LY75: variants seen among roughly 807,000 people sequenced by gnomAD.
The protein encoded by LY75 is lymphocyte antigen 75.
Under a neutral mutation model 231.7 loss-of-function variants are expected in LY75, and 185 were observed. The ratio of observed to expected loss-of-function variants is 0.80; its 90% CI spans 0.71 to 0.90. The LOEUF (loss-of-function observed/expected upper bound fraction) is 0.90, where lower values mean the gene tolerates loss of function less well. Among genes scored for constraint, LY75 ranks in the 40% least tolerant of loss-of-function variants. The pLI, the probability that LY75 is intolerant of heterozygous loss-of-function variation, is 0.00. For synonymous variants in LY75, 668 were observed against 689.0 expected, an observed-to-expected ratio of 0.97 and a Z score of 0.48; for missense variants, 1,947 against 2,050.2, an observed-to-expected ratio of 0.95 and a Z score of 0.97.
chr2:159,876,205 T>C (rs756226759), intron 11 of LY75, among the ~76,000 whole-genome samples: 1 of 152,168 alleles, frequency 6.6e-6, no homozygotes, highest in African/African-American at 2.4e-5. Flanking sequence ...TATTAAAAGG[T>C]AGTTTGAATT....
In LY75 at chr2:159,877,990, T is replaced by C. The variant is rs185629358; in HGVS notation, c.1774+334A>G. 7.0e-3 allele frequency among the ~76,000 whole-genome samples: 1,069 copies of C among 152,274 alleles called. 5 individuals are homozygous for C. Among genetic ancestry groups the C allele is most frequent in the Non-Finnish European group, 9.7e-3 (663 of 68,002 alleles). On this transcript the variant is annotated intron_variant, in intron 11 of 34. Coordinates refer to ENST00000263636, the MANE Select transcript of LY75 (RefSeq NM_002349.4). ...GAAAATAGGTTAAGAAGCAGAGAGATGAAAATGTAAAGAGCCTCACACGGG... is the reference window on the plus strand; with the variant it reads ...GAAAATAGGTTAAGAAGCAGAGAGACGAAAATGTAAAGAGCCTCACACGGG...
chr2:159,898,277 A>G (rs1384089290), intron 2 of LY75, among the ~76,000 whole-genome samples: 2 of 152,114 alleles, frequency 1.3e-5, no homozygotes, highest in African/African-American at 4.8e-5. Context: ...ACTACGCCTG[A>G]CCTTTCTTCT....
chr2:159,835,102 T>G (rs1283528984), intron 26 of LY75, among the ~76,000 whole-genome samples: 1 of 152,230 alleles, frequency 6.6e-6, no homozygotes, highest in Non-Finnish European at 1.5e-5. Flanking sequence ...TTGAGGTGGT[T>G]GCTGTGAATC....
chr2:159,904,449 C>A, intron 1 of LY75, 140 bp downstream of exon 1: 2 of 988,388 alleles, frequency 2.0e-6, no homozygotes, highest in Non-Finnish European at 2.8e-6. Context: ...CTCACTCTTC[C>A]GGCTCCAGAG....
intron 27 of LY75, among the ~76,000 whole-genome samples, chr2:159,832,032 G>A (rs1052463880): frequency 6.6e-6 from 1 of 151,752 alleles, no homozygotes; most frequent in South Asian, 2.1e-4. Context: ...GCTGAGTAGA[G>A]AATTTAAAAC....
chr2:159,860,688 A>G, intron 15 of LY75, 133 bp downstream of exon 15: 1 of 1,035,574 alleles, frequency 9.7e-7, no homozygotes, highest in Non-Finnish European at 1.4e-6. Flanking sequence ...GGGCCAGGCC[A>G]TGGGTGTGCT....
rs552811855 is a variant in LY75, at chr2:159,843,196, T to C, written c.3151-822A>G. ...AAAATGGGGTAGAAAAAGGTAGAAA[T>C]AGTATTTATAACACAGGTCAAGCAA... On this transcript the variant is annotated intron_variant, in intron 23 of 34. Coordinates refer to ENST00000263636, the MANE Select transcript of LY75 (RefSeq NM_002349.4). Among the ~76,000 whole-genome samples the C allele has an allele frequency of 9.4e-4, 143 of 151,816 alleles. 1 individual carries two copies. Among genetic ancestry groups the C allele is most frequent in the African/African-American group, 3.2e-3 (132 of 41,436 alleles).
chr2:159,875,784 G>T, intron 11 of LY75, 141 bp from the exon 12 acceptor site: 1 of 1,035,020 alleles, frequency 9.7e-7, no homozygotes, highest in Non-Finnish European at 1.4e-6. Context: ...GAAATATGTT[G>T]TTCAGAATAA....
chr2:159,819,144 C>A (rs938928519), intron 29 of LY75, among the ~76,000 whole-genome samples: 4 of 152,142 alleles, frequency 2.6e-5, no homozygotes, highest in Non-Finnish European at 5.9e-5. Context: ...TTTACGGGCT[C>A]CCAGTGAGCA....
At chr2:159,852,501 C>T in intron 20 of LY75, 161 bp from the exon 21 acceptor site, 1 of 563,528 alleles carries the variant, frequency 1.8e-6, no homozygotes, top group Non-Finnish European at 2.2e-6. Flanking sequence ...TTACTGCATC[C>T]TCCACCTCCC....
chr2:159,877,341 A>G (rs1476470825), intron 11 of LY75, among the ~76,000 whole-genome samples: 1 of 152,222 alleles, frequency 6.6e-6, no homozygotes, highest in Non-Finnish European at 1.5e-5. Context: ...CAGGGTGAAA[A>G]GTAGAATGCT....
At chr2:159,894,833 T>C (rs1188329694) in intron 2 of LY75, among the ~76,000 whole-genome samples, 1 of 152,206 alleles carries the variant, frequency 6.6e-6, no homozygotes, top group Non-Finnish European at 1.5e-5. Flanking sequence ...TGAAAAGTGA[T>C]TCCAACCTCA....
intron 29 of LY75, among the ~76,000 whole-genome samples, chr2:159,818,594 T>G (rs1683193149): frequency 6.6e-6 from 1 of 152,160 alleles, no homozygotes; most frequent in Non-Finnish European, 1.5e-5. Flanking sequence ...AAATAAAAAC[T>G]ACAGAAATTT....
Position 159,807,543 on chromosome 2 carries a change from T to A in LY75, c.4823-403A>T, listed in dbSNP as rs1186501872. 23 of 769,150 alleles carry A rather than the reference T, an allele frequency of 3.0e-5. No homozygotes were observed. The South Asian group carries it at 9.5e-4, about 32-fold the overall frequency. 47.6% of individuals were successfully genotyped at this position (769,150 alleles called of 1,614,324 possible). Reference sequence around the variant, plus strand: ...AAAAGTCATATCATTAAAGATATGCTGGTGGAAGAGGAAGGGTGCAGGAAT... The same window carrying A: ...AAAAGTCATATCATTAAAGATATGCAGGTGGAAGAGGAAGGGTGCAGGAAT... On this transcript the variant is annotated intron_variant, in intron 33 of 34. Coordinates refer to ENST00000263636, the MANE Select transcript of LY75 (RefSeq NM_002349.4).
At chr2:159,862,091 G>A (rs868782704) in intron 14 of LY75, among the ~76,000 whole-genome samples, 17 of 152,040 alleles carry the variant, frequency 1.1e-4, no homozygotes, top group African/African-American at 4.1e-4. Flanking sequence ...ACAGGGTCAG[G>A]AGTTAGAGAT....
intron 29 of LY75, among the ~76,000 whole-genome samples, chr2:159,817,689 T>G (rs1683161407): frequency 6.6e-6 from 1 of 152,062 alleles, no homozygotes; most frequent in Non-Finnish European, 1.5e-5. Flanking sequence ...AGTATGGAAG[T>G]GCTACAAACA....
At chr2:159,813,256 T>G (rs1232386545) in intron 31 of LY75, among the ~76,000 whole-genome samples, 1 of 152,202 alleles carries the variant, frequency 6.6e-6, no homozygotes, top group East Asian at 1.9e-4. Context: ...GGTTACACTG[T>G]TTTATATTCC....
intron 15 of LY75, 71 bp downstream of exon 15, chr2:159,860,750 A>T (rs1684677903): frequency 6.4e-7 from 1 of 1,567,550 alleles, no homozygotes; most frequent in Non-Finnish European, 8.8e-7. Context: ...CACTCCATGG[A>T]TCTGTTACTT....
In LY75 at chr2:159,879,347, G is replaced by A. The variant is rs147134990; in HGVS notation, c.1427C>T (p.Ser476Leu). The A allele has an allele frequency of 5.0e-6, 8 of 1,613,170 alleles. No individual in the cohort carries two copies. The highest frequency in any genetic ancestry group is 3.3e-5 in the Admixed American group (2 of 59,834). Residue 476 changes from serine (S) to leucine (L), a missense_variant, in exon 9 of 35, where the codon TCA becomes TTA. Ser to Leu is a moderately radical substitution (Grantham distance 145). Transcript: ENST00000263636. The stretch of plus-strand genomic sequence containing the variant: ...TACATATTTTAGTTTCTCCTCACAT[G>A]ATTGGACTTTCCACTGACCTAGCTT... ...LGELGQWKVQ[S>L]CEEKLKYVCK...
Sources: allele counts gnomAD v4.1 joint callset (sites outside exome capture counted in the v4.1 genomes callset), GRCh38; gene constraint gnomAD v4.1.1; transcripts MANE v1.5; gene names NCBI Gene and HGNC (gene_info 2026-07-23, HGNC 2026-07-21).